Variants in RTN2 observed in about 807,000 individuals in gnomAD.
RTN2 encodes the protein reticulon 2, also known as reticulon-2.
RTN2 carries 36 observed loss-of-function variants against 63.7 expected under a neutral mutation model. The observed-to-expected ratio is 0.56, with a 90% CI of 0.43 to 0.75. The LOEUF is 0.75. Ranked by LOEUF, RTN2 falls within the 30% of genes least tolerant of loss-of-function variation. The pLI, the probability that RTN2 is intolerant of heterozygous loss-of-function variation, is 0.00. For missense variants in RTN2, 673 were observed against 705.1 expected (o/e 0.95, Z 0.52); for synonymous variants, 312 against 313.0 (o/e 1.00, Z 0.03).
At position 45,496,950 on chromosome 19, in the gene RTN2, C is replaced by T; in HGVS notation, c.-125G>A. The T allele has an allele frequency of 4.0e-6, 2 of 497,916 alleles. No individual in the cohort carries two copies. Among genetic ancestry groups the T allele is most frequent in the Non-Finnish European group, 6.2e-6 (2 of 324,224 alleles). 30.8% of individuals were successfully genotyped at this position (497,916 alleles called of 1,614,324 possible). On this transcript the variant is annotated 5_prime_UTR_variant, in exon 1 of 11. Transcript: ENST00000245923. The stretch of plus-strand genomic sequence containing the variant: ...CTGCCATTCTCGCCGCCTCCTCCTC[C>T]CGGGCTGCTCCAGCCGCCGCCGCCG...
intron 1 of RTN2, 137 bp from the exon 2 acceptor site, chr19:45,495,276 A>G: frequency 2.1e-6 from 2 of 955,192 alleles, no homozygotes; most frequent in Non-Finnish European, 3.2e-6. Context: ...AAAACCTAGC[A>G]TCACTGCCTG....
rs201436072 is a variant in RTN2 at position 45,488,752 on chromosome 19, C to T, written c.1381-46G>A. ...CAGCAGAGCCCACCGGGAATTCCCTCTCATGCTGTGAATTTACCCAACAGT... is the reference window on the plus strand; with the variant it reads ...CAGCAGAGCCCACCGGGAATTCCCTTTCATGCTGTGAATTTACCCAACAGT... On this transcript the variant is annotated intron_variant, in intron 7 of 10. Transcript: ENST00000245923. 11 of 1,604,566 alleles carry T rather than the reference C, an allele frequency of 6.9e-6. No homozygotes were observed. The East Asian group carries it at 2.5e-4, about 36-fold the overall frequency.
chr19:45,496,766 C>A, intron 1 of RTN2, 26 bp downstream of exon 1: 2 of 1,482,726 alleles, frequency 1.3e-6, no homozygotes, highest in South Asian at 1.3e-5. Context: ...GGGGCCCACA[C>A]CAGGCCCCAG....
chr19:45,486,718 TTTTC>T (rs1256271510), intron 9 of RTN2, among the ~76,000 whole-genome samples: 3 of 148,354 alleles, frequency 2.0e-5, no homozygotes, highest in Non-Finnish European at 4.4e-5. Context: ...GTTCTTTTTT[TTTTC>T]TTTTTCTTTC....
rs1295682801 is a variant in RTN2 at position 45,485,805 on chromosome 19, G to A, written c.1557-16C>T. The A allele has an allele frequency of 1.2e-6, 2 of 1,607,186 alleles. No individual in the cohort carries two copies. The highest frequency in any genetic ancestry group is 3.3e-5 in the Admixed American group (2 of 59,992). ...AGCTCGGATCCTGAAGGAGAAACAGGTGGGATCACGAGGTGGGGCAAGAGA... is the reference window on the plus strand; with the variant it reads ...AGCTCGGATCCTGAAGGAGAAACAGATGGGATCACGAGGTGGGGCAAGAGA... On this transcript the variant is annotated splice_polypyrimidine_tract_variant and intron_variant, in intron 10 of 10. Transcript: ENST00000245923.
chr19:45,495,154 G>T lies in RTN2; in HGVS notation c.35-15C>A. The T allele has an allele frequency of 6.2e-7, 1 of 1,613,830 alleles. No individual in the cohort carries two copies. Among genetic ancestry groups the T allele is most frequent in the Non-Finnish European group, 8.5e-7 (1 of 1,179,904 alleles). On this transcript the variant is annotated splice_polypyrimidine_tract_variant and intron_variant, in intron 1 of 10. Coordinates refer to ENST00000245923, the MANE Select transcript of RTN2 (RefSeq NM_005619.5). The stretch of plus-strand genomic sequence containing the variant: ...CGGAGCTTCTTCTGCGAGAGGGAAA[G>T]AATCGAAGACTCTTAGAAGCTTAGA...
chr19:45,494,379 C>T lies in RTN2; in HGVS notation c.601G>A (p.Glu201Lys). ...RLRLAQPSSP[E>K]VLTPQLSPGS... ...GGACTGAGCTGGGGAGTCAAGACCT[C>T]GGGCGATGAGGGCTGAGCAAGTCGG... The change falls in exon 4 of 11, where the codon GAG becomes AAG. Residue 201 changes from glutamate (E) to lysine (K), a missense_variant. Glu to Lys is a moderately conservative substitution (Grantham distance 56, BLOSUM62 1). Transcript: ENST00000245923. This position sits in a 1 kb window ranked among gnomAD's most constrained non-coding sequence, Gnocchi z 5.3. The T allele has an allele frequency of 6.2e-7, 1 of 1,613,958 alleles. No homozygotes were observed. The highest frequency in any genetic ancestry group is 8.5e-7 in the Non-Finnish European group (1 of 1,179,906).
rs539287856 is a variant in RTN2 at position 45,493,260 on chromosome 19, G to T, written c.933C>A (p.Thr311=). The change falls in exon 5 of 11, where the codon ACC becomes ACA. Residue 311 remains threonine, a synonymous_variant. Transcript: ENST00000245923. ...GAACCCGGAGGACAGGAGTAGGGGG[G>T]GTGGGGCCCCTTTGGACCCAGCCAA... is the stretch of plus-strand genomic sequence containing the variant. The part of the protein sequence containing the change: ...TAIGWVQRGP[T]PPTPVLRVLL... The T allele has an allele frequency of 3.1e-6, 5 of 1,613,572 alleles. No individual in the cohort carries two copies. In the African/African-American group the frequency reaches 6.7e-5, roughly 22 times the overall value.
chr19:45,489,872 T>G (rs934056717), intron 5 of RTN2, among the ~76,000 whole-genome samples: 2 of 151,682 alleles, frequency 1.3e-5, no homozygotes, highest in African/African-American at 4.8e-5. Context: ...TTTTTAGAGG[T>G]AGGTGGCTCT....
intron 7 of RTN2, 24 bp from the exon 8 acceptor site, chr19:45,488,730 C>G: frequency 1.9e-6 from 3 of 1,610,140 alleles, no homozygotes; most frequent in Non-Finnish European, 2.5e-6. Flanking sequence ...TCAGGGTCAG[C>G]AGAGCCCACC....
intron 5 of RTN2, among the ~76,000 whole-genome samples, chr19:45,490,599 C>T (rs1430849898): frequency 3.4e-5 from 5 of 148,268 alleles, no homozygotes; most frequent in South Asian, 2.1e-4. Flanking sequence ...TTTTTTGAGA[C>T]GGATTCTCGC....
intron 5 of RTN2, among the ~76,000 whole-genome samples, chr19:45,490,292 G>A (rs1015297611): frequency 6.6e-6 from 1 of 152,062 alleles, no homozygotes; most frequent in African/African-American, 2.4e-5. Flanking sequence ...GTGCTACCGC[G>A]CCTGGCCTTA....
Position 45,493,150 on chromosome 19 carries a change from G to A in RTN2, c.1033+10C>T, listed in dbSNP as rs1467016760. ...CCTCAGCCCCCGTCCAGCCCGTTCC[G>A]CAAGCCCACCTTTACTCCCCATATC... On this transcript the variant is annotated intron_variant, in intron 5 of 10. Transcript: ENST00000245923. The A allele has an allele frequency of 1.2e-6, 2 of 1,610,602 alleles. No individual in the cohort carries two copies. The highest frequency in any genetic ancestry group is 1.7e-6 in the Non-Finnish European group (2 of 1,179,282).
At chr19:45,493,480 G>T in intron 4 of RTN2, 102 bp from the exon 5 acceptor site, 1 of 856,164 alleles carries the variant, frequency 1.2e-6, no homozygotes, top group Non-Finnish European at 1.9e-6. Context: ...TTCAAATAGA[G>T]ATCGAGTCTC....
chr19:45,491,532 A>ATTTT (rs372135117), intron 5 of RTN2, among the ~76,000 whole-genome samples: 1 of 125,528 alleles, frequency 8.0e-6, no homozygotes, highest in Non-Finnish European at 1.7e-5. Context: ...GGCCTGGCTA[A>ATTTT]TTTTTTTTTT....
intron 10 of RTN2, 21 bp downstream of exon 10, chr19:45,486,034 A>G (rs1375773099): frequency 2.5e-6 from 4 of 1,611,802 alleles, no homozygotes; most frequent in African/African-American, 1.3e-5. Flanking sequence ...CCTCCCATCG[A>G]CCTCCGCCCC....
chr19:45,486,209 A>G, intron 9 of RTN2, 96 bp from the exon 10 acceptor site: 1 of 1,043,462 alleles, frequency 9.6e-7, no homozygotes, highest in Non-Finnish European at 1.5e-6. Context: ...CCAAATTAGG[A>G]GTTGTGAAGA....
intron 1 of RTN2, 43 bp from the exon 2 acceptor site, chr19:45,495,182 G>C (rs750851196): frequency 2.0e-5 from 32 of 1,608,260 alleles, no homozygotes; most frequent in Non-Finnish European, 2.5e-5. Context: ...AGCTTAGACT[G>C]TCCGAATCAC....
intron 1 of RTN2, among the ~76,000 whole-genome samples, chr19:45,495,940 T>A (rs1176507328): frequency 1.3e-5 from 2 of 152,146 alleles, no homozygotes; most frequent in African/African-American, 4.8e-5. Context: ...AAATCACCAA[T>A]TCTTAGAATT....
Sources: allele counts gnomAD v4.1 joint callset (sites outside exome capture counted in the v4.1 genomes callset), GRCh38; gene constraint gnomAD v4.1.1; non-coding constraint Gnocchi (gnomAD v3.1); transcripts MANE v1.5; gene names NCBI Gene and HGNC (gene_info 2026-07-23, HGNC 2026-07-21).